GRK4: variants seen among roughly 807,000 people sequenced by gnomAD.
GRK4 encodes the protein G protein-coupled receptor kinase 4, also known as G protein-coupled receptor kinase 2-like.
A neutral mutation model predicts 77.9 loss-of-function variants in GRK4; 73 were observed. The ratio of observed to expected loss-of-function variants is 0.94; its 90% confidence interval spans 0.78 to 1.14. The LOEUF is 1.14. GRK4 is among the 50% of genes most tolerant of loss of function. The pLI, the probability that GRK4 is intolerant of heterozygous loss-of-function variation, is 0.00. For missense variants in GRK4, 729 were observed against 700.2 expected (o/e 1.04, Z -0.46); for synonymous variants, 257 against 254.4 (o/e 1.01, Z -0.10).
chr4:2,990,246 C>CTTTTTTTTTT (rs71644371), intron 3 of GRK4, among the ~76,000 whole-genome samples: 7 of 70,750 alleles, frequency 9.9e-5, no homozygotes, highest in Admixed American at 1.6e-4. Context: ...TCTTCTTCTT[C>CTTTTTTTTTT]TTTTTTTTTT....
rs550411136 is a variant in GRK4, at chr4:3,009,941, G to A, written c.600+230G>A. Among the ~76,000 whole-genome samples, 4 of 152,300 alleles carry A rather than the reference G, an allele frequency of 2.6e-5. No individual in the cohort carries two copies. In the South Asian group the frequency reaches 8.3e-4, roughly 32 times the overall value. ...CCTTTTACCTCATAGTTCTGAAGAA[G>A]CTGGTTTCCATGCTTGATGCCCCAG... On this transcript the variant is annotated intron_variant, in intron 7 of 15. Coordinates refer to ENST00000398052, the MANE Select transcript of GRK4 (RefSeq NM_182982.3).
intron 7 of GRK4, among the ~76,000 whole-genome samples, chr4:3,011,754 C>T (rs1281320649): frequency 6.6e-6 from 1 of 152,244 alleles, no homozygotes; most frequent in Non-Finnish European, 1.5e-5. Context: ...CTCCAGTGGG[C>T]TTGAGAGAGC....
At chr4:3,001,399 T>C (rs1445849277) in intron 4 of GRK4, among the ~76,000 whole-genome samples, 3 of 148,702 alleles carry the variant, frequency 2.0e-5, no homozygotes, top group Non-Finnish European at 3.0e-5. Flanking sequence ...GGAGTTTCGC[T>C]CTTGTAGCCC....
intron 4 of GRK4, among the ~76,000 whole-genome samples, chr4:2,992,824 G>GA (rs891613546): frequency 1.2e-4 from 18 of 147,668 alleles, no homozygotes; most frequent in African/African-American, 3.7e-4. Flanking sequence ...CTACAAAAAA[G>GA]AAAAAAAAAA....
chr4:3,029,414 G>C lies in GRK4; in HGVS notation c.1269+5G>C, dbSNP rs1364664307. On this transcript the variant is annotated splice_donor_5th_base_variant and intron_variant, in intron 12 of 15. Transcript: ENST00000398052. ...GCCAAATCTATCTGCAGGATGGTAA[G>C]TCAGGCTCTGTAGAGGCTGGGAAAT... 1 of 1,610,250 alleles carries C rather than the reference G, an allele frequency of 6.2e-7. No homozygotes were observed. Among genetic ancestry groups the C allele is most frequent in the East Asian group, 2.2e-5 (1 of 44,874 alleles).
At chr4:2,988,701 G>C in intron 2 of GRK4, 26 bp from the exon 3 acceptor site, 1 of 1,244,778 alleles carries the variant, frequency 8.0e-7, no homozygotes, top group Non-Finnish European at 1.2e-6. Flanking sequence ...CTATTTGTTT[G>C]CTTCTTATCC....
chr4:2,992,955 GCCTGGACAAGAGAGTAAGAC>G (rs1726717894), intron 4 of GRK4, among the ~76,000 whole-genome samples: 2 of 152,150 alleles, frequency 1.3e-5, no homozygotes, highest in Admixed American at 6.5e-5. Context: ...CTATGCTCTA[GCCTGGACAAGAGAGTAAGAC>G]CCTGTCTCAA....
At chr4:3,039,096 G>A (rs944392647) in intron 15 of GRK4, among the ~76,000 whole-genome samples, 3 of 152,106 alleles carry the variant, frequency 2.0e-5, no homozygotes, top group Admixed American at 6.5e-5. Flanking sequence ...CATGCCTGTA[G>A]TCCCAGCTAC....
Position 3,019,814 on chromosome 4 carries a change from G to A in GRK4, c.915G>A (p.Arg305=), listed in dbSNP as rs371662212. The change falls in exon 9 of 16, where the codon AGG becomes AGA. Residue 305 remains arginine (R), a synonymous_variant. Transcript: ENST00000398052. The part of the protein sequence containing the change: ...ELCCGLEDLQ[R]ERIVYRDLKP... Reference sequence around the variant, plus strand: ...GTTGCGGCTTGGAAGATTTACAGAGGGAAAGAATTGTATACAGGTAAGAAC... The same window carrying A: ...GTTGCGGCTTGGAAGATTTACAGAGAGAAAGAATTGTATACAGGTAAGAAC... 9.3e-6 allele frequency: 15 copies of A among 1,613,922 alleles called. No individual in the cohort carries two copies. In the East Asian group the frequency reaches 2.2e-4, roughly 24 times the overall value.
chr4:3,035,702 C>T (rs902562455), intron 13 of GRK4, among the ~76,000 whole-genome samples, 179 bp downstream of exon 13: 10 of 152,044 alleles, frequency 6.6e-5, no homozygotes, highest in Admixed American at 3.3e-4. Context: ...GGATTATAGG[C>T]GTGAGCCACT....
chr4:3,014,030 TAGA>T (rs1733703965), intron 8 of GRK4, among the ~76,000 whole-genome samples: 1 of 152,180 alleles, frequency 6.6e-6, no homozygotes, highest in African/African-American at 2.4e-5. Context: ...TTAGAAAACA[TAGA>T]AGGAGTGATA....
At position 3,004,316 on chromosome 4, in the gene GRK4, C is replaced by T. The variant is rs1024323; in HGVS notation, c.425C>T (p.Ala142Val). 0.37 allele frequency: 600,454 copies of T among 1,605,814 alleles called. 118,246 individuals are homozygous for T. Among genetic ancestry groups the T allele is most frequent in the African/African-American group, 0.6 (44,865 of 74,738 alleles). Reference sequence around the variant, plus strand: ...AAGGAGGAGAACCCTTCCAAAAAAGCCTTTGAGGAATGTACTAGGTAAGTG... The same window carrying T: ...AAGGAGGAGAACCCTTCCAAAAAAGTCTTTGAGGAATGTACTAGGTAAGTG... The part of the protein sequence containing the change: ...GLKEENPSKK[A>V]FEECTRVAHN... Residue 142 changes from alanine to valine, a missense_variant, in exon 5 of 16, where the codon GCC becomes GTC. Coordinates refer to ENST00000398052, the MANE Select transcript of GRK4 (RefSeq NM_182982.3).
At chr4:3,029,059 A>T in intron 11 of GRK4, 142 bp from the exon 12 acceptor site, 2 of 673,812 alleles carry the variant, frequency 3.0e-6, no homozygotes, top group South Asian at 3.9e-5. Context: ...GGTGTGAGCC[A>T]CCGCTCCCAG....
intron 2 of GRK4, among the ~76,000 whole-genome samples, chr4:2,986,089 T>A (rs2109588309): frequency 6.6e-6 from 1 of 152,086 alleles, no homozygotes; most frequent in South Asian, 2.1e-4. Context: ...GGTACATGCA[T>A]TTAAAATTTT....
intron 1 of GRK4, among the ~76,000 whole-genome samples, chr4:2,976,038 G>T (rs1721047097): frequency 6.6e-6 from 1 of 152,144 alleles, no homozygotes; most frequent in African/African-American, 2.4e-5. Flanking sequence ...TTCAACCTTT[G>T]CAAGGGGCAA....
At chr4:3,034,791 T>C (rs1188675898) in intron 12 of GRK4, among the ~76,000 whole-genome samples, 1 of 152,228 alleles carries the variant, frequency 6.6e-6, no homozygotes, top group Admixed American at 6.5e-5. Context: ...GTTTCCTCTT[T>C]AAAAATCCCC....
rs376720511 is a variant in GRK4, at chr4:3,034,055, C to T, written c.1270-1331C>T. On this transcript the variant is annotated intron_variant, in intron 12 of 15. Coordinates refer to ENST00000398052, the MANE Select transcript of GRK4 (RefSeq NM_182982.3). The stretch of plus-strand genomic sequence containing the variant: ...GGACAGCCTGGCAATAATGGCGCGT[C>T]CAAATGACTCATTCTCAGCAAGAAA... 1.7e-4 allele frequency among the ~76,000 whole-genome samples: 26 copies of T among 152,212 alleles called. No individual in the cohort carries two copies. In the East Asian group the frequency reaches 2.9e-3, roughly 17 times the overall value.
At chr4:2,999,518 A>T (rs544756877) in intron 4 of GRK4, among the ~76,000 whole-genome samples, 2 of 152,350 alleles carry the variant, frequency 1.3e-5, no homozygotes, top group African/African-American at 4.8e-5. Flanking sequence ...TGCCAAGACA[A>T]TTCAACTGGG....
Position 2,984,532 on chromosome 4 carries a change from T to C in GRK4, c.72T>C (p.Ser24=). ...ATTCAGGAGGATATGGCAAAAAAAG[T>C]GGTCGTAGTAAAAAATGGAAGGAGA... The part of the protein sequence containing the change: ...KARQGGYGKK[S]GRSKKWKEIL... Residue 24 remains serine (S), a synonymous_variant, in exon 2 of 16, where the codon AGT becomes AGC. Transcript: ENST00000398052. 1 of 1,612,500 alleles carries C rather than the reference T, an allele frequency of 6.2e-7. No individual in the cohort carries two copies. Among genetic ancestry groups the C allele is most frequent in the Non-Finnish European group, 8.5e-7 (1 of 1,178,920 alleles).
Sources: allele counts gnomAD v4.1 joint callset (sites outside exome capture counted in the v4.1 genomes callset), GRCh38; gene constraint gnomAD v4.1.1; transcripts MANE v1.5; gene names NCBI Gene and HGNC (gene_info 2026-07-23, HGNC 2026-07-21).